The following SFTPD variants were observed in gnomAD, a reference collection of about 807,000 sequenced individuals.
SFTPD encodes surfactant protein D.
SFTPD carries 18 observed loss-of-function variants against 34.6 expected under a neutral mutation model. The observed-to-expected ratio is 0.52, with a 90% CI of 0.36 to 0.77. SFTPD has a LOEUF of 0.77. Ranked by LOEUF, SFTPD falls within the 30% of genes least tolerant of loss-of-function variation. The pLI, the probability that SFTPD is intolerant of heterozygous loss-of-function variation, is 0.00. For synonymous variants in SFTPD, 155 were observed against 180.9 expected (o/e 0.86, Z 1.15); for missense variants, 433 against 468.9 (o/e 0.92, Z 0.71).
intron 1 of SFTPD, chr10:79,971,334 C>A (rs1436855879): frequency 6.6e-6 from 1 of 151,756 alleles, no homozygotes; most frequent in African/African-American, 2.4e-5. Flanking sequence ...TTTTGTTGTG[C>A]CCTTTTCATG....
At chr10:79,942,618 C>T in intron 3 of SFTPD, 114 bp from the exon 4 acceptor site, 4 of 907,138 alleles carry the variant, frequency 4.4e-6, no homozygotes, top group Non-Finnish European at 7.3e-6. Flanking sequence ...GTCCTCCCAA[C>T]AGCAGGTCCC....
intron 1 of SFTPD, among the ~76,000 whole-genome samples, chr10:79,958,053 C>CTT (rs1246404712): frequency 3.3e-5 from 5 of 152,112 alleles, no homozygotes; most frequent in African/African-American, 1.2e-4. Context: ...TCAAACTAAG[C>CTT]TTCATAAGTG....
At chr10:79,980,392 G>C (rs576388459) in intron 1 of SFTPD, among the ~76,000 whole-genome samples, 61 of 152,276 alleles carry the variant, frequency 4.0e-4, no homozygotes, top group South Asian at 6.2e-4. Context: ...AAGGTAAATT[G>C]CTGCACTGAA....
chr10:79,949,077 T>C lies in SFTPD; in HGVS notation c.-15A>G, dbSNP rs992174177. On this transcript the variant is annotated 5_prime_UTR_variant, in exon 1 of 8. Coordinates refer to ENST00000372292, the MANE Select transcript of SFTPD (RefSeq NM_003019.5). ...ACAGAGACACTTACAGGTTTCTTTT[T>C]GTTAGGCCCCAGGAGCTCCAAGCAA... 6.6e-6 allele frequency: 1 copy of C among 152,214 alleles called. No individual in the cohort carries two copies. The highest frequency in any genetic ancestry group is 1.5e-5 in the Non-Finnish European group (1 of 68,042). 9.4% of individuals were successfully genotyped at this position (152,214 alleles called of 1,614,324 possible).
chr10:79,939,592 G>A (rs1842591866), intron 7 of SFTPD, among the ~76,000 whole-genome samples: 1 of 152,176 alleles, frequency 6.6e-6, no homozygotes, highest in Non-Finnish European at 1.5e-5. Flanking sequence ...TGGTGTTTAA[G>A]TGCACACACA....
At chr10:79,956,888 G>T (rs1842743045) in intron 1 of SFTPD, among the ~76,000 whole-genome samples, 1 of 152,198 alleles carries the variant, frequency 6.6e-6, no homozygotes, top group African/African-American at 2.4e-5. Context: ...CAGCCTAACT[G>T]GGAGGCACCC....
intron 1 of SFTPD, among the ~76,000 whole-genome samples, chr10:79,954,499 T>C (rs1465660727): frequency 1.3e-5 from 2 of 152,140 alleles, no homozygotes; most frequent in African/African-American, 4.8e-5. Context: ...CTGCCTGCTG[T>C]CAGTATCTGC....
intron 1 of SFTPD, among the ~76,000 whole-genome samples, chr10:79,955,591 A>G (rs1842734135): frequency 6.6e-6 from 1 of 152,218 alleles, no homozygotes; most frequent in African/African-American, 2.4e-5. Context: ...GCTTATGCTC[A>G]GGTGCTATCT....
rs6413522 is a variant in SFTPD, at chr10:79,946,452, C to T, written c.199+9G>A. On this transcript the variant is annotated intron_variant, in intron 2 of 7. Coordinates refer to ENST00000372292, the MANE Select transcript of SFTPD (RefSeq NM_003019.5). ...TCCCCAGCAGGATAAGCCCAGGGCC[C>T]CACCCTACCTGGGTCCCCCTTCTCG... 4,842 of 1,609,382 alleles carry T rather than the reference C, an allele frequency of 3.0e-3. 21 individuals carry two copies. Among genetic ancestry groups the T allele is most frequent in the South Asian group, 0.011 (1,030 of 90,978 alleles).
At chr10:79,961,956 A>C (rs1055144497) in intron 1 of SFTPD, among the ~76,000 whole-genome samples, 14 of 146,096 alleles carry the variant, frequency 9.6e-5, no homozygotes, top group Middle Eastern at 7.1e-3. Context: ...ATGGAATACT[A>C]TGCAGCCATA....
chr10:79,975,444 GCTCCCCTTCTTA>G (rs1052022533), intron 1 of SFTPD, among the ~76,000 whole-genome samples: 3 of 152,110 alleles, frequency 2.0e-5, no homozygotes, highest in African/African-American at 7.2e-5. Flanking sequence ...ATGCTTCCAA[GCTCCCCTTCTTA>G]CTCACCACGG....
intron 1 of SFTPD, among the ~76,000 whole-genome samples, chr10:79,957,689 G>A: frequency 6.6e-6 from 1 of 152,220 alleles, no homozygotes; most frequent in Admixed American, 6.5e-5. Flanking sequence ...GTACCTGAAA[G>A]TGACATGGAG....
intron 1 of SFTPD, among the ~76,000 whole-genome samples, chr10:79,957,254 C>A (rs922727547): frequency 6.6e-6 from 1 of 152,204 alleles, no homozygotes; most frequent in Non-Finnish European, 1.5e-5. Flanking sequence ...CTCTCCTCCT[C>A]CAAAGGAATG....
chr10:79,957,401 G>GA (rs551044034), intron 1 of SFTPD, among the ~76,000 whole-genome samples: 172 of 152,196 alleles, frequency 1.1e-3, no homozygotes, highest in Middle Eastern at 6.8e-3. Context: ...TTAAAACTGT[G>GA]AAAAAAATTA....
intron 1 of SFTPD, among the ~76,000 whole-genome samples, chr10:79,979,313 G>A (rs939655541): frequency 2.0e-5 from 3 of 151,890 alleles, no homozygotes; most frequent in Non-Finnish European, 4.4e-5. Context: ...ACACCAACCT[G>A]GACAACTATC....
intron 1 of SFTPD, among the ~76,000 whole-genome samples, chr10:79,965,560 T>TATTTTTA (rs1842799222): frequency 2.0e-5 from 2 of 97,878 alleles, no homozygotes; most frequent in Non-Finnish European, 3.6e-5. Flanking sequence ...TTTAATTTTT[T>TATTTTTA]ATTTTTTATT....
chr10:79,956,437 G>A (rs796649513), intron 1 of SFTPD, among the ~76,000 whole-genome samples: 15 of 152,232 alleles, frequency 9.9e-5, no homozygotes, highest in Non-Finnish European at 1.8e-4. Context: ...CTGGAAAATC[G>A]GGTCACTCCC....
At chr10:79,980,726 C>T (rs971300506) in intron 1 of SFTPD, among the ~76,000 whole-genome samples, 4 of 152,252 alleles carry the variant, frequency 2.6e-5, no homozygotes, top group African/African-American at 9.6e-5. Flanking sequence ...TAAGGTGATA[C>T]TTTTATGGGT....
intron 1 of SFTPD, chr10:79,981,772 A>C (rs972282022): frequency 5.0e-5 from 8 of 161,434 alleles, no homozygotes; most frequent in Non-Finnish European, 6.8e-5. Context: ...GGTAGCAGCC[A>C]CAGCCCCAGA....
Sources: gnomAD v4.1 joint callset for allele counts (sites outside exome capture counted in the v4.1 genomes callset) on GRCh38, gnomAD v4.1.1 for gene constraint, MANE v1.5 for transcripts, NCBI Gene and HGNC (gene_info 2026-07-23, HGNC 2026-07-21) for gene names.